Variants in FBN2 observed in about 807,000 individuals in gnomAD.
The protein encoded by FBN2 is fibrillin-2.
Under a neutral mutation model 355.6 loss-of-function variants are expected in FBN2, and 105 were observed. The ratio of observed to expected loss-of-function variants is 0.30; its 90% CI spans 0.25 to 0.35. The LOEUF (loss-of-function observed/expected upper bound fraction) is 0.35. Ranked by LOEUF, FBN2 falls within the 10% of genes least tolerant of loss-of-function variation. The pLI is 1.00. For missense variants in FBN2, 3,280 were observed against 3,758.7 expected (o/e 0.87, Z 3.33); for synonymous variants, 1,350 against 1,301.2 (o/e 1.04, Z -0.81).
rs756984520 is a variant in FBN2 at position 128,527,904 on chromosome 5, T to C, written c.500A>G (p.Gln167Arg). 1.2e-6 allele frequency: 2 copies of C among 1,612,382 alleles called. No individual in the cohort carries two copies. Among genetic ancestry groups the C allele is most frequent in the Non-Finnish European group, 1.7e-6 (2 of 1,178,726 alleles). ...GTCADDHCQC[Q>R]KGYIGTYCGQ... ...ACAATAAGTTCCAATATATCCTTTC[T>C]GGCACTGGCAGTGGTCATCTGCACA... is the stretch of plus-strand genomic sequence containing the variant. Residue 167 changes from glutamine to arginine, a missense_variant, in exon 4 of 65, where the codon CAG becomes CGG. Physicochemically the swap from Gln to Arg is conservative, Grantham distance 43. Coordinates refer to ENST00000262464, the MANE Select transcript of FBN2 (RefSeq NM_001999.4).
intron 8 of FBN2, among the ~76,000 whole-genome samples, chr5:128,400,862 G>A (rs1304016795): frequency 6.6e-6 from 1 of 152,124 alleles, no homozygotes; most frequent in African/African-American, 2.4e-5. Flanking sequence ...GTATCTCCCA[G>A]AATTCCCACA....
Position 128,301,410 on chromosome 5 carries a change from T to C in FBN2, c.6018A>G (p.Glu2006=). 6.2e-7 allele frequency: 1 copy of C among 1,613,530 alleles called. No individual in the cohort carries two copies. The highest frequency in any genetic ancestry group is 8.5e-7 in the Non-Finnish European group (1 of 1,179,626). The change falls in exon 47 of 65, where the codon GAA becomes GAG. Residue 2006 remains glutamate, a synonymous_variant. Coordinates refer to ENST00000262464, the MANE Select transcript of FBN2 (RefSeq NM_001999.4). ...TACAGTTTTTGCCATCTGGGGTAAG[T>C]TCATAACCTTCGTTACATAGACACT... ...SFKCLCNEGY[E]LTPDGKNCID...
intron 15 of FBN2, among the ~76,000 whole-genome samples, chr5:128,373,825 A>C (rs142559654): frequency 3.3e-5 from 5 of 152,192 alleles, no homozygotes; most frequent in Non-Finnish European, 7.3e-5. Context: ...TCAATTTGAC[A>C]AAAATAACCT....
chr5:128,513,184 C>A (rs1446926829), intron 5 of FBN2, among the ~76,000 whole-genome samples: 1 of 152,176 alleles, frequency 6.6e-6, no homozygotes, highest in Non-Finnish European at 1.5e-5. Flanking sequence ...GGGTCCACAA[C>A]TGTTTATCTG....
chr5:128,445,777 C>T (rs1446399390), intron 7 of FBN2, among the ~76,000 whole-genome samples: 2 of 151,962 alleles, frequency 1.3e-5, no homozygotes, highest in Admixed American at 6.6e-5. Flanking sequence ...TCATTGAAGC[C>T]ACATGCACTT....
intron 7 of FBN2, among the ~76,000 whole-genome samples, chr5:128,436,027 G>A (rs1302501823): frequency 7.2e-5 from 11 of 152,272 alleles, no homozygotes; most frequent in Admixed American, 3.3e-4. Context: ...AAGGAGTGAC[G>A]TCACTTCAGT....
At chr5:128,310,356 T>G (rs1213976382) in intron 39 of FBN2, among the ~76,000 whole-genome samples, 1 of 140,990 alleles carries the variant, frequency 7.1e-6, no homozygotes, top group Non-Finnish European at 1.5e-5. Flanking sequence ...AAAAATAATT[T>G]CCTTGGCACA....
At chr5:128,502,089 G>A (rs1188829907) in intron 5 of FBN2, among the ~76,000 whole-genome samples, 3 of 151,992 alleles carry the variant, frequency 2.0e-5, no homozygotes, top group African/African-American at 7.2e-5. Context: ...TGACTTAGGA[G>A]AAGAAAGATC....
intron 23 of FBN2, 36 bp downstream of exon 23, chr5:128,349,311 T>C (rs753003413): frequency 4.3e-6 from 7 of 1,613,468 alleles, no homozygotes; most frequent in South Asian, 1.1e-5. Context: ...TCATGGCTTG[T>C]TTTATACATA....
chr5:128,376,783 C>T lies in FBN2; in HGVS notation c.1920G>A (p.Lys640=). The T allele has an allele frequency of 1.2e-6, 2 of 1,613,238 alleles. No individual in the cohort carries two copies. The highest frequency in any genetic ancestry group is 1.7e-5 in the Admixed American group (1 of 59,962). The change falls in exon 14 of 65, where the codon AAG becomes AAA. Residue 640 remains lysine, a synonymous_variant. Coordinates refer to ENST00000262464, the MANE Select transcript of FBN2 (RefSeq NM_001999.4). Reference sequence around the variant, plus strand: ...AGACAAATCCTGGTTTGCAGATGCACTTGAAGCTGCCATCTTCATTGATGC... The same window carrying T: ...AGACAAATCCTGGTTTGCAGATGCATTTGAAGCTGCCATCTTCATTGATGC... ...GMCINEDGSF[K]CICKPGFVLA...
At chr5:128,355,295 G>C (rs1751472035) in intron 20 of FBN2, among the ~76,000 whole-genome samples, 1 of 152,026 alleles carries the variant, frequency 6.6e-6, no homozygotes, top group Admixed American at 6.6e-5. Context: ...CAAAGATGAG[G>C]GAAACTGGTC....
intron 40 of FBN2, among the ~76,000 whole-genome samples, 160 bp from the exon 41 acceptor site, chr5:128,309,559 AT>A (rs1749976403): frequency 1.3e-5 from 2 of 152,128 alleles, no homozygotes. Flanking sequence ...AACATAAATC[AT>A]TTTTAGATTA....
chr5:128,388,560 G>A (rs370491399), intron 11 of FBN2, among the ~76,000 whole-genome samples: 2 of 152,138 alleles, frequency 1.3e-5, no homozygotes, highest in South Asian at 4.1e-4. Flanking sequence ...GCATTTGCTT[G>A]TCTGAAAAAT....
At chr5:128,419,275 CT>C (rs1447965724) in intron 7 of FBN2, among the ~76,000 whole-genome samples, 1 of 152,076 alleles carries the variant, frequency 6.6e-6, no homozygotes, top group African/African-American at 2.4e-5. Context: ...AGTTTTACTT[CT>C]TTTTTTCCAG....
intron 48 of FBN2, among the ~76,000 whole-genome samples, chr5:128,300,159 C>T (rs149846163): frequency 2.6e-5 from 4 of 152,230 alleles, no homozygotes; most frequent in East Asian, 1.9e-4. Context: ...CATCTTTTCA[C>T]GTTAGAAAAA....
chr5:128,349,197 A>T, intron 23 of FBN2, 150 bp downstream of exon 23: 1 of 893,774 alleles, frequency 1.1e-6, no homozygotes, highest in Non-Finnish European at 1.8e-6. Context: ...ATTCACTTTT[A>T]AAACAGCCTC....
intron 48 of FBN2, among the ~76,000 whole-genome samples, chr5:128,296,205 T>C (rs1212285761): frequency 6.6e-6 from 1 of 150,886 alleles, no homozygotes; most frequent in Non-Finnish European, 1.5e-5. Flanking sequence ...TCATGGTGGA[T>C]AAGCTTTTTG....
At chr5:128,338,214 G>C in intron 26 of FBN2, 92 bp from the exon 27 acceptor site, 1 of 1,271,314 alleles carries the variant, frequency 7.9e-7, no homozygotes, top group Non-Finnish European at 1.1e-6. Context: ...TCTGATGTGA[G>C]AGTGTGAGTT....
At chr5:128,276,305 G>A in intron 58 of FBN2, 145 bp from the exon 59 acceptor site, 1 of 798,058 alleles carries the variant, frequency 1.3e-6, no homozygotes, top group Non-Finnish European at 2.1e-6. Context: ...ATGCACAGAA[G>A]GATTTTTTCT....
Sources: allele counts gnomAD v4.1 joint callset (sites outside exome capture counted in the v4.1 genomes callset), GRCh38; gene constraint gnomAD v4.1.1; transcripts MANE v1.5; gene names NCBI Gene and HGNC (gene_info 2026-07-23, HGNC 2026-07-21).